The following MPPED2 variants were observed in gnomAD, a reference collection of about 807,000 sequenced individuals.
MPPED2 encodes the protein metallophosphoesterase domain containing 2, also known as metallophosphoesterase MPPED2.
A neutral mutation model predicts 33.0 loss-of-function variants in MPPED2; 5 were observed. The ratio of observed to expected loss-of-function variants is 0.15; its 90% CI spans 0.08 to 0.32. MPPED2 has a LOEUF of 0.32. Among genes scored for constraint, MPPED2 ranks in the 10% least tolerant of loss-of-function variants. The probability of loss-of-function intolerance (pLI) is 1.00; values close to 1 mark genes in which losing one functional copy is unlikely to be tolerated. For missense variants in MPPED2, 275 were observed against 372.1 expected, an observed-to-expected ratio of 0.74 and a Z score of 2.15; for synonymous variants, 136 against 141.9, an observed-to-expected ratio of 0.96 and a Z score of 0.29.
At chr11:30,577,375 G>A (rs1194061751) in intron 2 of MPPED2, among the ~76,000 whole-genome samples, 3 of 152,124 alleles carry the variant, frequency 2.0e-5, no homozygotes, top group African/African-American at 7.2e-5. Flanking sequence ...TCTGTCAGGG[G>A]TCTTCAGAAA....
intron 2 of MPPED2, among the ~76,000 whole-genome samples, chr11:30,543,397 A>G (rs1955237017): frequency 6.6e-6 from 1 of 152,192 alleles, no homozygotes; most frequent in Non-Finnish European, 1.5e-5. Flanking sequence ...CCCATCTTCT[A>G]GCCTCTGTCC....
At chr11:30,452,125 C>A in intron 4 of MPPED2, 1 of 983,618 alleles carries the variant, frequency 1.0e-6, no homozygotes, top group African/African-American at 1.7e-5. Context: ...CTCTTCTCTA[C>A]TTAAAAATCT....
chr11:30,399,097 G>A (rs976334721), intron 6 of MPPED2, among the ~76,000 whole-genome samples: 1 of 151,810 alleles, frequency 6.6e-6, no homozygotes, highest in Non-Finnish European at 1.5e-5. Flanking sequence ...AACATAATGT[G>A]ACAAAACAGA....
chr11:30,510,088 G>T (rs1365675909), intron 3 of MPPED2, among the ~76,000 whole-genome samples: 2 of 152,114 alleles, frequency 1.3e-5, no homozygotes, highest in African/African-American at 2.4e-5. Flanking sequence ...TAACACCCAA[G>T]ACATATAGTC....
At chr11:30,550,083 G>GC (rs1295324594) in intron 2 of MPPED2, among the ~76,000 whole-genome samples, 6 of 152,122 alleles carry the variant, frequency 3.9e-5, no homozygotes, top group Non-Finnish European at 7.4e-5. Context: ...AATGGGCAAT[G>GC]CCCCCCAATG....
At chr11:30,479,811 G>C (rs1056374246) in intron 4 of MPPED2, among the ~76,000 whole-genome samples, 1 of 151,990 alleles carries the variant, frequency 6.6e-6, no homozygotes, top group Non-Finnish European at 1.5e-5. Context: ...CCTTATAAAA[G>C]TGCCTTTTTT....
intron 4 of MPPED2, among the ~76,000 whole-genome samples, chr11:30,429,753 G>A (rs35401549): frequency 0.25 from 37,621 of 152,012 alleles, 5,396 homozygotes; most frequent in Non-Finnish European, 0.33. Context: ...CCATATCTCT[G>A]CCCATTAAAA....
At chr11:30,434,783 G>C (rs1252791956) in intron 4 of MPPED2, among the ~76,000 whole-genome samples, 1 of 152,078 alleles carries the variant, frequency 6.6e-6, no homozygotes, top group African/African-American at 2.4e-5. Flanking sequence ...TGAAACAATT[G>C]TACAGTTATC....
rs1174150864 is a variant in MPPED2 at position 30,468,229 on chromosome 11, T to TACACAC, written c.536+27061_536+27066dup. Among the ~76,000 whole-genome samples the TACACAC allele has an allele frequency of 8.6e-4, 127 of 147,362 alleles. No homozygotes were observed. The East Asian group carries it at 1.0e-2, about 12-fold the overall frequency. On this transcript the variant is annotated intron_variant, in intron 4 of 6. Transcript: ENST00000358117. ...ATGAAATCACAAATATGGCATACTA[T>TACACAC]ACACACACACACACACACACACACA...
At chr11:30,473,645 A>C (rs1335758857) in intron 4 of MPPED2, among the ~76,000 whole-genome samples, 1 of 152,160 alleles carries the variant, frequency 6.6e-6, no homozygotes, top group Non-Finnish European at 1.5e-5. Flanking sequence ...CTAATAAAAA[A>C]AAAAAGTTCA....
At chr11:30,515,562 G>A (rs989633334) in intron 3 of MPPED2, among the ~76,000 whole-genome samples, 1 of 152,126 alleles carries the variant, frequency 6.6e-6, no homozygotes, top group African/African-American at 2.4e-5. Flanking sequence ...TGTCTCTCCT[G>A]ATCTCTGAAT....
chr11:30,565,411 C>T (rs1295272783), intron 2 of MPPED2, among the ~76,000 whole-genome samples: 2 of 152,134 alleles, frequency 1.3e-5, no homozygotes, highest in Non-Finnish European at 2.9e-5. Flanking sequence ...ACTGACTCCT[C>T]AATTACTAAA....
chr11:30,421,898 C>T (rs772196144), intron 4 of MPPED2, among the ~76,000 whole-genome samples: 3 of 152,184 alleles, frequency 2.0e-5, no homozygotes, highest in African/African-American at 4.8e-5. Flanking sequence ...GTTCTGGGGG[C>T]TTTCCAGTCC....
intron 2 of MPPED2, among the ~76,000 whole-genome samples, chr11:30,548,666 A>G (rs1955557308): frequency 6.6e-6 from 1 of 152,334 alleles, no homozygotes; most frequent in East Asian, 1.9e-4. Context: ...AAGAAGGTGC[A>G]TTTTACCTGG....
chr11:30,481,224 T>C (rs535044994), intron 4 of MPPED2, among the ~76,000 whole-genome samples: 1 of 152,234 alleles, frequency 6.6e-6, no homozygotes, highest in East Asian at 1.9e-4. Context: ...TTATTTTCTG[T>C]TCCAGTCAAC....
At chr11:30,415,994 T>C (rs1269014300) in intron 5 of MPPED2, among the ~76,000 whole-genome samples, 1 of 152,266 alleles carries the variant, frequency 6.6e-6, no homozygotes, top group Admixed American at 6.5e-5. Flanking sequence ...CTCTGTAGGA[T>C]GCTCTCACTG....
intron 6 of MPPED2, among the ~76,000 whole-genome samples, chr11:30,404,359 G>T (rs1565035499): frequency 6.6e-6 from 1 of 152,198 alleles, no homozygotes; most frequent in Admixed American, 6.5e-5. Context: ...TGGAGGTGAT[G>T]GATGGAGACA....
In MPPED2 at chr11:30,580,337, T is replaced by A. The variant is rs199877966; in HGVS notation, c.37A>T (p.Ile13Leu). The A allele has an allele frequency of 5.0e-6, 8 of 1,614,128 alleles. No homozygotes were observed. Among genetic ancestry groups the A allele is most frequent in the Non-Finnish European group, 2.5e-6 (3 of 1,180,014 alleles). The change falls in exon 2 of 7, where the codon ATA becomes TTA. Residue 13 changes from isoleucine to leucine, a missense_variant. By Grantham distance (5) the Ile-to-Leu change is conservative. Transcript: ENST00000358117. ...TTTGAGCTGTACTCATCCACCGTTATGGTAACTTTGCCTTGAGAAGGAATC... is the reference window on the plus strand; with the variant it reads ...TTTGAGCTGTACTCATCCACCGTTAAGGTAACTTTGCCTTGAGAAGGAATC... Reference protein sequence around the residue: ...HGIPSQGKVTITVDEYSSNPT... With the variant: ...HGIPSQGKVTLTVDEYSSNPT...
At chr11:30,408,557 G>C (rs554523286), downstream of MPPED2, among the ~76,000 whole-genome samples, 2 of 152,054 alleles carry the variant, frequency 1.3e-5, no homozygotes, top group Non-Finnish European at 2.9e-5. Context: ...TGATCCGCCC[G>C]CCTCAGCCTC....
Sources: allele counts gnomAD v4.1 joint callset (sites outside exome capture counted in the v4.1 genomes callset), GRCh38; gene constraint gnomAD v4.1.1; transcripts MANE v1.5; gene names NCBI Gene and HGNC (gene_info 2026-07-23, HGNC 2026-07-21).